DHRS12: variants seen among roughly 807,000 people sequenced by gnomAD.
The protein encoded by DHRS12 is dehydrogenase/reductase SDR family member 12.
DHRS12 carries 29 observed loss-of-function variants against 32.1 expected under a neutral mutation model. That is an observed-to-expected ratio of 0.90 (90% CI 0.67 to 1.23). The LOEUF is 1.23. DHRS12 is among the 50% of genes most tolerant of loss of function. The probability of loss-of-function intolerance (pLI) is 0.00; values close to 1 mark genes in which losing one functional copy is unlikely to be tolerated. For synonymous variants in DHRS12, 150 were observed against 135.9 expected (o/e 1.10, Z -0.72); for missense variants, 330 against 337.2 (o/e 0.98, Z 0.17).
chr13:51,775,636 TGTATTCTACA>T (rs1320983204), intron 5 of DHRS12: 1 of 8,152 alleles, frequency 1.2e-4, no homozygotes, highest in Non-Finnish European at 3.8e-4. Flanking sequence ...TTCTCCTACA[TGTATTCTACA>T]GTATTCTCCT....
downstream of DHRS12, chr13:51,763,047 A>T (rs562813882): frequency 6.6e-5 from 10 of 152,362 alleles, no homozygotes; most frequent in South Asian, 2.1e-3. Context: ...GAAATCATAA[A>T]GTCACAAAAC....
intron 4 of DHRS12, among the ~76,000 whole-genome samples, chr13:51,780,091 C>T (rs1349172215): frequency 1.3e-5 from 2 of 152,048 alleles, no homozygotes; most frequent in African/African-American, 4.8e-5. Flanking sequence ...GCAGGAGAAT[C>T]GCTTGAACCC....
chr13:51,791,668 TG>T (rs1291478833), intron 2 of DHRS12, among the ~76,000 whole-genome samples: 1 of 152,214 alleles, frequency 6.6e-6, no homozygotes, highest in African/African-American at 2.4e-5. Flanking sequence ...TCCAGCATGC[TG>T]ACTAGGTACA....
At chr13:51,787,778 ATAAT>A (rs1288560595) in intron 4 of DHRS12, among the ~76,000 whole-genome samples, 1 of 52,044 alleles carries the variant, frequency 1.9e-5, no homozygotes, top group East Asian at 4.3e-4. Context: ...TAAATTATAT[ATAAT>A]TTATAATATA....
rs1015060156 is a variant in DHRS12 at position 51,782,247 on chromosome 13, C to T, written c.302-5126G>A. ...TGGAAGGGGGCCCTTGGGAGCCAGG[C>T]ACATGATGGCATTGGGGCAAGGATG... is the stretch of plus-strand genomic sequence containing the variant. On this transcript the variant is annotated intron_variant, in intron 4 of 8. Transcript: ENST00000444610. This position sits in a 1 kb window ranked among gnomAD's most constrained non-coding sequence, Gnocchi z 4.2. 2.6e-5 allele frequency among the ~76,000 whole-genome samples: 4 copies of T among 152,026 alleles called. No homozygotes were observed. The highest frequency in any genetic ancestry group is 2.0e-4 in the Admixed American group (3 of 15,262).
chr13:51,769,259 C>A lies in DHRS12; in HGVS notation c.594G>T (p.Arg198Ser), dbSNP rs769925031. ...CCTCGGAGCGCAGGCGGTCCCCGAA[C>A]CTGGCGTGGAACCCCGGCATCGCCT... The part of the protein sequence containing the change: ...VRQAMPGFHA[R>S]FGDRLRSEAQ... Residue 198 changes from arginine (R) to serine (S), a missense_variant, in exon 8 of 9, where the codon AGG becomes AGT. Arg to Ser is a moderately radical substitution (Grantham distance 110). Coordinates refer to ENST00000444610, the MANE Select transcript of DHRS12 (RefSeq NM_001377533.1). 1 of 1,589,350 alleles carries A rather than the reference C, an allele frequency of 6.3e-7. No individual in the cohort carries two copies. The highest frequency in any genetic ancestry group is 1.1e-5 in the South Asian group (1 of 87,622).
chr13:51,756,282 CAG>C, the DHRS12 span: 4 of 1,574,182 alleles, frequency 2.5e-6, no homozygotes, highest in African/African-American at 5.4e-5. Context: ...GCGGGGGCCT[CAG>C]GAGCTGAGGG....
intron 6 of DHRS12, among the ~76,000 whole-genome samples, chr13:51,773,618 C>T (rs1231761790): frequency 6.6e-6 from 1 of 152,098 alleles, no homozygotes; most frequent in Non-Finnish European, 1.5e-5. Flanking sequence ...GGACCGCTCG[C>T]CGTCCTCATT....
chr13:51,772,640 C>T (rs1954084994), intron 6 of DHRS12: 2 of 985,316 alleles, frequency 2.0e-6, no homozygotes, highest in Non-Finnish European at 2.4e-6. Context: ...ATGTACTAGA[C>T]ACAGAGAATA....
intron 8 of DHRS12, chr13:51,768,745 A>G: frequency 8.7e-7 from 1 of 1,144,744 alleles, no homozygotes; most frequent in South Asian, 2.6e-5. Flanking sequence ...GAGAGACGTG[A>G]ACAGATCACT....
chr13:51,756,456 ATGAAGAG>A, the DHRS12 span: 2 of 1,613,722 alleles, frequency 1.2e-6, no homozygotes, highest in South Asian at 2.2e-5. Flanking sequence ...GCCATCACAG[ATGAAGAG>A]TAAGTTCCTG....
At chr13:51,762,465 C>G in the DHRS12 span, 1 of 152,240 alleles carries the variant, frequency 6.6e-6, no homozygotes, top group Admixed American at 6.5e-5. Flanking sequence ...TTCCTTTTCT[C>G]TCATCTGTGT....
intron 2 of DHRS12, among the ~76,000 whole-genome samples, chr13:51,794,226 A>T (rs1161921081): frequency 6.6e-6 from 1 of 152,172 alleles, no homozygotes. Context: ...TGGTTACTGA[A>T]ATTGAACAAA....
At chr13:51,758,899 T>C in the DHRS12 span, among the ~76,000 whole-genome samples, 1 of 152,156 alleles carries the variant, frequency 6.6e-6, no homozygotes, top group Non-Finnish European at 1.5e-5. Flanking sequence ...AAATAAACTC[T>C]GGGGCTGGGT....
chr13:51,769,168 G>GGCCGCTGGGCTGT lies in DHRS12; in HGVS notation c.672_684dup (p.Arg229ThrfsTer34). The GGCCGCTGGGCTGT allele has an allele frequency of 6.4e-7, 1 of 1,550,630 alleles. No homozygotes were observed. The highest frequency in any genetic ancestry group is 1.2e-5 in the South Asian group (1 of 84,110). Reference sequence around the variant, plus strand: ...GGGAGGAAGTCACCTTGAAAGAAGCGGCCGCTGGGCTGTGCGGCTGCGGCA... The same window carrying GGCCGCTGGGCTGT: ...GGGAGGAAGTCACCTTGAAAGAAGCGGCCGCTGGGCTGTGCCGCTGGGCTGTGCGGCTGCGGCA... On this transcript the variant is annotated frameshift_variant, in exon 8 of 9. Transcript: ENST00000444610. LOFTEE classifies it low-confidence loss of function (END_TRUNC).
downstream of DHRS12, chr13:51,763,324 A>G (rs950798475): frequency 6.6e-6 from 1 of 152,104 alleles, no homozygotes; most frequent in Non-Finnish European, 1.5e-5. Flanking sequence ...TGGGGGAGGT[A>G]ATTATTGCCT....
rs1954757498 is a variant in DHRS12, at chr13:51,782,439, G to C, written c.302-5318C>G. 6.6e-6 allele frequency among the ~76,000 whole-genome samples: 1 copy of C among 152,172 alleles called. No homozygotes were observed. Among genetic ancestry groups the C allele is most frequent in the Non-Finnish European group, 1.5e-5 (1 of 68,030 alleles). The stretch of plus-strand genomic sequence containing the variant: ...GGTGGCTTGGAGGCCATCGCGCTAT[G>C]GGAGCACGGACAGCTGTGCCCAGTG... On this transcript the variant is annotated intron_variant, in intron 4 of 8. Transcript: ENST00000444610. This position sits in a 1 kb window ranked among gnomAD's most constrained non-coding sequence, Gnocchi z 4.2.
At chr13:51,779,629 G>A (rs993781365) in intron 4 of DHRS12, among the ~76,000 whole-genome samples, 5 of 152,240 alleles carry the variant, frequency 3.3e-5, no homozygotes, top group African/African-American at 1.2e-4. Context: ...ATGGACAACA[G>A]TCCCAGAGAA....
rs570416610 is a variant in DHRS12, at chr13:51,798,110, G to A, written c.126+1424C>T. Among the ~76,000 whole-genome samples, 5 of 152,270 alleles carry A rather than the reference G, an allele frequency of 3.3e-5. No homozygotes were observed. The South Asian group carries it at 6.2e-4, about 19-fold the overall frequency. On this transcript the variant is annotated intron_variant, in intron 2 of 8. Coordinates refer to ENST00000444610, the MANE Select transcript of DHRS12 (RefSeq NM_001377533.1). ...TATTGCCTACCTGTGCTGACAGTGC[G>A]TCTGGAATAACATCCTGATTTTTTG...
Sources: allele counts gnomAD v4.1 joint callset (sites outside exome capture counted in the v4.1 genomes callset), GRCh38; gene constraint gnomAD v4.1.1; non-coding constraint Gnocchi (gnomAD v3.1); transcripts MANE v1.5; gene names NCBI Gene and HGNC (gene_info 2026-07-23, HGNC 2026-07-21).